The following DACH1 variants were observed in gnomAD, a reference collection of about 807,000 sequenced individuals.
DACH1 encodes the protein dachshund family transcription factor 1, also known as dachshund homolog 1.
A neutral mutation model predicts 54.2 loss-of-function variants in DACH1; 12 were observed. That is an observed-to-expected ratio of 0.22 (90% CI 0.14 to 0.36). The LOEUF is 0.36. Ranked by LOEUF, DACH1 falls within the 10% of genes least tolerant of loss-of-function variation. The pLI is 1.00. For synonymous variants in DACH1, 386 were observed against 366.2 expected (o/e 1.05, Z -0.62); for missense variants, 805 against 929.8 (o/e 0.87, Z 1.75).
chr13:71,684,973 G>A (rs1299590565), intron 1 of DACH1, among the ~76,000 whole-genome samples: 2 of 152,064 alleles, frequency 1.3e-5, no homozygotes, highest in African/African-American at 4.8e-5. Context: ...TAGAGGGTTT[G>A]GGAAATCTCA....
intron 1 of DACH1, among the ~76,000 whole-genome samples, chr13:71,801,362 C>A (rs971468481): frequency 6.6e-6 from 1 of 152,074 alleles, no homozygotes; most frequent in Non-Finnish European, 1.5e-5. Flanking sequence ...AGCAATTTTG[C>A]AACAAATGCA....
intron 2 of DACH1, among the ~76,000 whole-genome samples, chr13:71,656,173 A>C (rs1300888322): frequency 1.3e-5 from 2 of 152,030 alleles, no homozygotes; most frequent in Non-Finnish European, 2.9e-5. Context: ...CCATTGTTTT[A>C]CATTGGTAAA....
At chr13:71,506,282 C>T (rs1359695536) in intron 6 of DACH1, among the ~76,000 whole-genome samples, 3 of 117,780 alleles carry the variant, frequency 2.5e-5, no homozygotes, top group East Asian at 3.0e-4. Flanking sequence ...GCTATCCCTC[C>T]CCCCTCCCCC....
At chr13:71,834,414 C>T (rs188582680) in intron 1 of DACH1, among the ~76,000 whole-genome samples, 133 of 152,096 alleles carry the variant, frequency 8.7e-4, no homozygotes, top group African/African-American at 3.1e-3. Context: ...TCATATAACA[C>T]GCCCGTGAAG....
chr13:71,520,123 T>C lies in DACH1; in HGVS notation c.1571-30975A>G, dbSNP rs1212742538. 3.3e-5 allele frequency among the ~76,000 whole-genome samples: 5 copies of C among 151,168 alleles called. No homozygotes were observed. In the Admixed American group the frequency reaches 3.3e-4, roughly 10 times the overall value. On this transcript the variant is annotated intron_variant, in intron 6 of 10. Transcript: ENST00000613252. ...CAGCTTAGAGAGAAGAAGCACTAGT[T>C]GAAGTCAAATTTGGGTTTCTTCCAT...
At chr13:71,638,748 T>C (rs1877684989) in intron 2 of DACH1, among the ~76,000 whole-genome samples, 1 of 152,170 alleles carries the variant, frequency 6.6e-6, no homozygotes, top group Non-Finnish European at 1.5e-5. Context: ...CAAAAGAATT[T>C]TAAAATTAGC....
In DACH1 at chr13:71,622,454, A is replaced by G. The variant is rs191851105; in HGVS notation, c.1126+8102T>C. Among the ~76,000 whole-genome samples the G allele has an allele frequency of 8.8e-4, 134 of 152,088 alleles. 1 individual carries two copies. The highest frequency in any genetic ancestry group is 1.7e-3 in the Non-Finnish European group (113 of 67,894). ...TATTTATTTTAATCCCTCATCATCA[A>G]TCATATGAAATTCAAATATAAAACA... is the stretch of plus-strand genomic sequence containing the variant. On this transcript the variant is annotated intron_variant, in intron 3 of 10. Coordinates refer to ENST00000613252, the MANE Select transcript of DACH1 (RefSeq NM_080759.6).
chr13:71,640,988 T>C (rs181665686), intron 2 of DACH1, among the ~76,000 whole-genome samples: 27 of 152,184 alleles, frequency 1.8e-4, no homozygotes, highest in Non-Finnish European at 3.1e-4. Context: ...TCAGTTGTTT[T>C]TTTCTTTTTC....
chr13:71,470,975 G>C (rs1353319851), intron 10 of DACH1, among the ~76,000 whole-genome samples: 6 of 152,314 alleles, frequency 3.9e-5, no homozygotes, highest in African/African-American at 4.8e-5. Flanking sequence ...CTAGTCCCAG[G>C]GGGCAGGGAG....
intron 1 of DACH1, among the ~76,000 whole-genome samples, chr13:71,777,830 T>G (rs1016678909): frequency 6.6e-6 from 1 of 151,962 alleles, no homozygotes; most frequent in African/African-American, 2.4e-5. Context: ...ATCAATAAAT[T>G]ATAAGGCCAG....
chr13:71,681,837 A>G lies in DACH1; in HGVS notation c.922T>C (p.Ser308Pro). 1.2e-6 allele frequency: 2 copies of G among 1,614,044 alleles called. No individual in the cohort carries two copies. Among genetic ancestry groups the G allele is most frequent in the Non-Finnish European group, 1.7e-6 (2 of 1,179,932 alleles). The change falls in exon 2 of 11, where the codon TCT (serine) becomes CCT (proline). Residue 308 changes from serine to proline, a missense_variant. Coordinates refer to ENST00000613252, the MANE Select transcript of DACH1 (RefSeq NM_080759.6). ...CCAGGAGACATGAGACCAGGGACAGAATGCGGCATGATGTGAGAGTTCTCT... is the reference window on the plus strand; with the variant it reads ...CCAGGAGACATGAGACCAGGGACAGGATGCGGCATGATGTGAGAGTTCTCT... ...SPENSHIMPH[S>P]VPGLMSPGII...
intron 2 of DACH1, among the ~76,000 whole-genome samples, chr13:71,670,024 A>G (rs989251378): frequency 7.9e-6 from 1 of 125,788 alleles, no homozygotes; most frequent in Non-Finnish European, 1.6e-5. Context: ...TAAATTAGCC[A>G]AAAAAAAAAA....
intron 6 of DACH1, among the ~76,000 whole-genome samples, chr13:71,543,085 C>A (rs1054421099): frequency 5.3e-5 from 8 of 152,200 alleles, no homozygotes; most frequent in African/African-American, 1.9e-4. Flanking sequence ...TCTCCTTTCA[C>A]CCACTGCCTA....
At chr13:71,569,289 G>A (rs1052835694) in intron 4 of DACH1, among the ~76,000 whole-genome samples, 10 of 151,884 alleles carry the variant, frequency 6.6e-5, no homozygotes, top group Non-Finnish European at 1.5e-4. Flanking sequence ...CACAGGTATC[G>A]ACAAACTTTT....
chr13:71,452,860 G>T (rs569173834), intron 10 of DACH1, among the ~76,000 whole-genome samples: 4 of 152,290 alleles, frequency 2.6e-5, no homozygotes, highest in South Asian at 4.1e-4. Context: ...GTTAGTGTAA[G>T]AAATTACTGT....
chr13:71,810,015 C>T lies in DACH1; in HGVS notation c.848+55907G>A, dbSNP rs1169995405. 2.6e-5 allele frequency among the ~76,000 whole-genome samples: 4 copies of T among 152,112 alleles called. No individual in the cohort carries two copies. In the East Asian group the frequency reaches 5.8e-4, roughly 22 times the overall value. ...GTGTGTGTATGCTGTAGACAGAGAA[C>T]TGAATCACTGTCCTGAAAGAAAACA... On this transcript the variant is annotated intron_variant, in intron 1 of 10. Transcript: ENST00000613252.
intron 6 of DACH1, among the ~76,000 whole-genome samples, chr13:71,498,721 G>C (rs1000453562): frequency 6.6e-6 from 1 of 151,744 alleles, no homozygotes; most frequent in African/African-American, 2.4e-5. Context: ...CTTAACTAGA[G>C]GGAGGTCAAG....
intron 1 of DACH1, among the ~76,000 whole-genome samples, chr13:71,745,152 T>C (rs2137958379): frequency 6.6e-6 from 1 of 152,328 alleles, no homozygotes; most frequent in East Asian, 1.9e-4. Context: ...CTTTTTTTTG[T>C]TTCAAAATAA....
chr13:71,477,707 C>T (rs545448506), intron 8 of DACH1, among the ~76,000 whole-genome samples: 1 of 152,150 alleles, frequency 6.6e-6, no homozygotes, highest in Admixed American at 6.5e-5. Flanking sequence ...TTGGATTGTA[C>T]ACTCTTGTGG....
Sources: allele counts gnomAD v4.1 joint callset (sites outside exome capture counted in the v4.1 genomes callset), GRCh38; gene constraint gnomAD v4.1.1; transcripts MANE v1.5; gene names NCBI Gene and HGNC (gene_info 2026-07-23, HGNC 2026-07-21).